NCOR2: variants seen among roughly 807,000 people sequenced by gnomAD.
NCOR2 encodes nuclear receptor corepressor 2.
Under a neutral mutation model 262.9 loss-of-function variants are expected in NCOR2, and 81 were observed. That is an observed-to-expected ratio of 0.31 (90% CI 0.26 to 0.37). NCOR2 has a LOEUF of 0.37. NCOR2 is among the 10% of genes least tolerant of loss of function. The probability of loss-of-function intolerance (pLI) is 1.00; values close to 1 mark genes in which losing one functional copy is unlikely to be tolerated. For missense variants in NCOR2, 3,385 were observed against 3,621.4 expected (o/e 0.93, Z 1.68); for synonymous variants, 1,659 against 1,559.3 (o/e 1.06, Z -1.51).
chr12:124,425,951 T>G (rs375038581), intron 11 of NCOR2, among the ~76,000 whole-genome samples: 1 of 152,108 alleles, frequency 6.6e-6, no homozygotes, highest in Non-Finnish European at 1.5e-5. Flanking sequence ...ACAGGCACAG[T>G]GATGGGATCA....
intron 13 of NCOR2, among the ~76,000 whole-genome samples, chr12:124,417,774 G>A (rs907005744): frequency 3.9e-5 from 6 of 152,160 alleles, no homozygotes; most frequent in Non-Finnish European, 8.8e-5. Flanking sequence ...CAAAAACACC[G>A]TAGCGGCTGA....
chr12:124,339,219 A>ACCAC (rs1566363037), intron 37 of NCOR2, among the ~76,000 whole-genome samples: 24 of 63,314 alleles, frequency 3.8e-4, no homozygotes, highest in East Asian at 1.0e-3. Flanking sequence ...TCTACCTACC[A>ACCAC]CCCACCCACC....
chr12:124,385,638 G>A (rs2040750882), intron 17 of NCOR2, 107 bp downstream of exon 19: 10 of 1,471,842 alleles, frequency 6.8e-6, no homozygotes, highest in Non-Finnish European at 9.1e-6. Context: ...CGGCATAATA[G>A]CCCCTCCCTG....
chr12:124,327,477 G>C (rs926664120), exon 45 of NCOR2: 1 of 1,613,562 alleles, frequency 6.2e-7, no homozygotes, highest in Non-Finnish European at 8.5e-7. Context: ...GGGCAGGCTG[G>C]CACTGGCATT....
intron 13 of NCOR2, among the ~76,000 whole-genome samples, chr12:124,405,617 G>A (rs2042232586): frequency 6.6e-6 from 1 of 152,244 alleles, no homozygotes; most frequent in African/African-American, 2.4e-5. Flanking sequence ...GACCCCGGCA[G>A]CCTTAATGAT....
In NCOR2 at chr12:124,346,864, A is replaced by G. The variant is rs777558768; in HGVS notation, c.4073-14T>C. The G allele has an allele frequency of 3.2e-6, 5 of 1,547,028 alleles. No individual in the cohort carries two copies. Among genetic ancestry groups the G allele is most frequent in the Non-Finnish European group, 4.4e-6 (5 of 1,148,744 alleles). ...ACCGAGGGATCCCTGCCGGGCCGACAGCACTGACCCTCACGCCCCGCCCCA... is the reference window on the plus strand; with the variant it reads ...ACCGAGGGATCCCTGCCGGGCCGACGGCACTGACCCTCACGCCCCGCCCCA... On this transcript the variant is annotated splice_polypyrimidine_tract_variant and intron_variant, in intron 30 of 46. Coordinates refer to ENST00000405201, the Ensembl canonical transcript of NCOR2.
At chr12:124,567,094 GT>G (rs2052270597) in intron 1 of NCOR2, among the ~76,000 whole-genome samples, 1 of 151,936 alleles carries the variant, frequency 6.6e-6, no homozygotes, top group Non-Finnish European at 1.5e-5. Flanking sequence ...GGGAGCTGGA[GT>G]TCCCCTAAGT....
intron 1 of NCOR2, among the ~76,000 whole-genome samples, chr12:124,528,079 C>T (rs2050580305): frequency 6.6e-6 from 1 of 152,186 alleles, no homozygotes; most frequent in Non-Finnish European, 1.5e-5. Flanking sequence ...GTCATCCCTT[C>T]CACGACTGCC....
chr12:124,485,873 C>T (rs958698905), intron 2 of NCOR2, among the ~76,000 whole-genome samples: 10 of 152,154 alleles, frequency 6.6e-5, no homozygotes, highest in Admixed American at 5.2e-4. Flanking sequence ...CGTGGCCTAC[C>T]GATCCCAAGT....
exon 19 of NCOR2, chr12:124,374,438 C>A (rs1302826327): frequency 9.9e-6 from 16 of 1,612,950 alleles, no homozygotes; most frequent in Non-Finnish European, 1.2e-5. Context: ...CCCCTCTGGG[C>A]ACCTCATTCC....
intron 20 of NCOR2, among the ~76,000 whole-genome samples, chr12:124,366,619 A>T (rs925722339): frequency 1.3e-5 from 2 of 152,014 alleles, no homozygotes; most frequent in Non-Finnish European, 2.9e-5. Context: ...CAATCCTCCC[A>T]CCTCAGCCTC....
At chr12:124,341,760 G>A (rs1678105930) in intron 34 of NCOR2, 63 bp downstream of exon 36, 1 of 1,545,066 alleles carries the variant, frequency 6.5e-7, no homozygotes, top group Admixed American at 1.8e-5. Context: ...GGCCACAGGG[G>A]CACGCCCATG....
intron 13 of NCOR2, among the ~76,000 whole-genome samples, chr12:124,416,462 C>A (rs1449416416): frequency 1.3e-5 from 2 of 152,204 alleles, no homozygotes; most frequent in African/African-American, 4.8e-5. Flanking sequence ...ATCTTTGGGG[C>A]CTTTTATTCT....
At chr12:124,472,492 T>A (rs376010613) in intron 4 of NCOR2, among the ~76,000 whole-genome samples, 2 of 152,244 alleles carry the variant, frequency 1.3e-5, no homozygotes, top group South Asian at 4.1e-4. Flanking sequence ...AGGGGCTGTT[T>A]CCCCACATTA....
chr12:124,430,272 G>A (rs867013653), intron 9 of NCOR2, among the ~76,000 whole-genome samples: 1 of 152,210 alleles, frequency 6.6e-6, no homozygotes, highest in African/African-American at 2.4e-5. Context: ...GAGGCTGACA[G>A]CGTGGTCTCT....
At chr12:124,453,511 C>T (rs542911663) in intron 6 of NCOR2, among the ~76,000 whole-genome samples, 4 of 152,288 alleles carry the variant, frequency 2.6e-5, no homozygotes, top group Admixed American at 6.5e-5. Flanking sequence ...AGACGCAGGG[C>T]GCAGGCAGAG....
Position 124,517,602 on chromosome 12 carries a change from C to T in NCOR2, c.-118+17963G>A, listed in dbSNP as rs1209362039. ...CCCACCGCGGAGCCCCAGGGCAGAG[C>T]CTCGGGAGCGCCCACGATCACATGC... On this transcript the variant is annotated intron_variant, in intron 1 of 46. Transcript: ENST00000404621. This position sits in a 1 kb window ranked among gnomAD's most constrained non-coding sequence, Gnocchi z 7.6. Among the ~76,000 whole-genome samples, 1 of 152,180 alleles carries T rather than the reference C, an allele frequency of 6.6e-6. No homozygotes were observed. Among genetic ancestry groups the T allele is most frequent in the East Asian group, 1.9e-4 (1 of 5,178 alleles).
exon 2 of NCOR2, chr12:124,486,528 T>C (rs1264353674): frequency 1.9e-5 from 31 of 1,598,832 alleles, no homozygotes; most frequent in African/African-American, 2.7e-5. Context: ...GTGGGAGGCA[T>C]AGTCGCGGGA....
intron 6 of NCOR2, among the ~76,000 whole-genome samples, chr12:124,453,076 G>A (rs898025942): frequency 2.0e-5 from 3 of 152,194 alleles, no homozygotes; most frequent in African/African-American, 7.2e-5. Context: ...GGGAGTGGGG[G>A]GAGGGAGGGA....
Sources: gnomAD v4.1 joint callset for allele counts (sites outside exome capture counted in the v4.1 genomes callset) on GRCh38, gnomAD v4.1.1 for gene constraint, Gnocchi (gnomAD v3.1) non-coding constraint, MANE v1.5 for transcripts, NCBI Gene and HGNC (gene_info 2026-07-23, HGNC 2026-07-21) for gene names.